RNGTT: variants seen among roughly 807,000 people sequenced by gnomAD.
The protein encoded by RNGTT is mRNA-capping enzyme.
In RNGTT, 33 loss-of-function variants were observed where a neutral mutation model predicts 79.3. The observed-to-expected ratio is 0.42, with a 90% CI of 0.32 to 0.56. The LOEUF (loss-of-function observed/expected upper bound fraction) is 0.56. RNGTT is among the 20% of genes least tolerant of loss of function. The probability of loss-of-function intolerance (pLI) is 0.17; values close to 1 mark genes in which losing one functional copy is unlikely to be tolerated. For missense variants in RNGTT, 497 were observed against 739.1 expected (o/e 0.67, Z 3.80); for synonymous variants, 222 against 235.9 (o/e 0.94, Z 0.54).
chr6:88,796,337 C>A (rs1313557344), intron 12 of RNGTT, among the ~76,000 whole-genome samples: 2 of 152,016 alleles, frequency 1.3e-5, no homozygotes, highest in South Asian at 2.1e-4. Flanking sequence ...GGGTTTCTTC[C>A]ATAGTATAAT....
At chr6:88,895,963 T>A (rs1783232537) in intron 6 of RNGTT, among the ~76,000 whole-genome samples, 1 of 152,116 alleles carries the variant, frequency 6.6e-6, no homozygotes, top group Admixed American at 6.6e-5. Context: ...ACCTTCCCCA[T>A]CACCTCAACC....
chr6:88,936,923 C>A (rs1318810287), intron 2 of RNGTT, among the ~76,000 whole-genome samples: 1 of 152,174 alleles, frequency 6.6e-6, no homozygotes, highest in African/African-American at 2.4e-5. Context: ...CTGATTAAAT[C>A]TCCCTACCTG....
chr6:88,838,063 C>T (rs9342169), intron 11 of RNGTT, among the ~76,000 whole-genome samples: 4,666 of 152,070 alleles, frequency 0.031, 84 homozygotes, highest in African/African-American at 0.053. Context: ...TAAGAGAGTT[C>T]GATAAATAAG....
At chr6:88,661,161 CA>C (rs1325404895) in intron 14 of RNGTT, among the ~76,000 whole-genome samples, 3 of 152,060 alleles carry the variant, frequency 2.0e-5, no homozygotes, top group Non-Finnish European at 4.4e-5. Context: ...TGGGATACAG[CA>C]AAAGCGGTAC....
At chr6:88,642,822 G>A (rs1006846438) in intron 14 of RNGTT, among the ~76,000 whole-genome samples, 1 of 152,124 alleles carries the variant, frequency 6.6e-6, no homozygotes, top group Admixed American at 6.5e-5. Context: ...CAATAAAAAT[G>A]ATTTATTTTG....
intron 2 of RNGTT, among the ~76,000 whole-genome samples, chr6:88,935,115 G>C (rs572822933): frequency 1.3e-5 from 2 of 152,232 alleles, no homozygotes; most frequent in South Asian, 4.1e-4. Context: ...TATATGGTGA[G>C]AGATAAAGGT....
intron 13 of RNGTT, among the ~76,000 whole-genome samples, chr6:88,727,280 A>G (rs1045951904): frequency 3.9e-5 from 6 of 152,252 alleles, no homozygotes; most frequent in African/African-American, 1.4e-4. Flanking sequence ...TAAAAGGATT[A>G]TAAGTAGGCA....
At chr6:88,931,429 G>A (rs1745152470) in intron 2 of RNGTT, among the ~76,000 whole-genome samples, 1 of 152,090 alleles carries the variant, frequency 6.6e-6, no homozygotes, top group African/African-American at 2.4e-5. Context: ...ATGTGGTGAG[G>A]GACTAGGCAG....
At chr6:88,740,827 G>A (rs912989500) in intron 13 of RNGTT, among the ~76,000 whole-genome samples, 1 of 151,982 alleles carries the variant, frequency 6.6e-6, no homozygotes, top group Non-Finnish European at 1.5e-5. Flanking sequence ...AACTACCATG[G>A]CACACATATA....
intron 6 of RNGTT, among the ~76,000 whole-genome samples, chr6:88,903,836 A>G (rs898003593): frequency 5.9e-5 from 9 of 152,184 alleles, no homozygotes; most frequent in Non-Finnish European, 1.2e-4. Flanking sequence ...TTTGGCCTAT[A>G]TCATATACTT....
intron 13 of RNGTT, among the ~76,000 whole-genome samples, chr6:88,711,454 A>C (rs1239210093): frequency 1.3e-5 from 2 of 152,204 alleles, no homozygotes; most frequent in African/African-American, 4.8e-5. Context: ...AAGTGTTCTT[A>C]ACCAAACTAA....
intron 11 of RNGTT, among the ~76,000 whole-genome samples, chr6:88,810,051 A>C (rs1273021473): frequency 6.6e-6 from 1 of 152,170 alleles, no homozygotes; most frequent in Non-Finnish European, 1.5e-5. Context: ...TCGCCTAACA[A>C]AAGCAAAAAA....
intron 14 of RNGTT, among the ~76,000 whole-genome samples, chr6:88,632,057 CT>C (rs2127769683): frequency 6.6e-6 from 1 of 152,216 alleles, no homozygotes; most frequent in African/African-American, 2.4e-5. Flanking sequence ...ACCTCCCAGG[CT>C]CAAGTGATAC....
intron 8 of RNGTT, among the ~76,000 whole-genome samples, chr6:88,887,902 G>C (rs970929987): frequency 4.6e-5 from 7 of 152,198 alleles, no homozygotes; most frequent in African/African-American, 1.4e-4. Context: ...GATCACTACA[G>C]CCCAGGAGCT....
Position 88,655,186 on chromosome 6 carries a change from T to C in RNGTT, c.1506+23167A>G, listed in dbSNP as rs574985844. Among the ~76,000 whole-genome samples, 155 of 152,348 alleles carry C rather than the reference T, an allele frequency of 1.0e-3. 1 individual carries two copies. Among genetic ancestry groups the C allele is most frequent in the African/African-American group, 3.3e-3 (139 of 41,586 alleles). On this transcript the variant is annotated intron_variant, in intron 14 of 15. Coordinates refer to ENST00000369485, the MANE Select transcript of RNGTT (RefSeq NM_003800.5). ...CCTAGCATATTTCAGTCTTTTATAATAGAAAGATTCCAAATAAATACTTTA... is the reference window on the plus strand; with the variant it reads ...CCTAGCATATTTCAGTCTTTTATAACAGAAAGATTCCAAATAAATACTTTA...
At chr6:88,926,600 T>C (rs1339836036) in intron 4 of RNGTT, among the ~76,000 whole-genome samples, 3 of 152,230 alleles carry the variant, frequency 2.0e-5, no homozygotes, top group African/African-American at 7.2e-5. Flanking sequence ...TTAGTAAAAA[T>C]TCCTTGGTGT....
intron 11 of RNGTT, among the ~76,000 whole-genome samples, chr6:88,834,004 G>C (rs1402500845): frequency 6.6e-6 from 1 of 152,202 alleles, no homozygotes; most frequent in African/African-American, 2.4e-5. Context: ...CTAGGCGACA[G>C]AGCGAGACTT....
intron 13 of RNGTT, among the ~76,000 whole-genome samples, chr6:88,733,191 T>A (rs1777170401): frequency 6.6e-6 from 1 of 151,886 alleles, no homozygotes; most frequent in African/African-American, 2.4e-5. Flanking sequence ...CAAAACCCCA[T>A]CTCTACGAAA....
At chr6:88,668,421 A>T (rs1774501478) in intron 14 of RNGTT, among the ~76,000 whole-genome samples, 1 of 152,196 alleles carries the variant, frequency 6.6e-6, no homozygotes, top group South Asian at 2.1e-4. Context: ...AAGGAAACTC[A>T]TCGTGGGACT....
Sources: gnomAD v4.1 joint callset for allele counts (sites outside exome capture counted in the v4.1 genomes callset) on GRCh38, gnomAD v4.1.1 for gene constraint, MANE v1.5 for transcripts, NCBI Gene and HGNC (gene_info 2026-07-23, HGNC 2026-07-21) for gene names.